Variants in ZNF536 observed in about 807,000 individuals in gnomAD.
ZNF536 encodes zinc finger protein 536.
Under a neutral mutation model 84.5 loss-of-function variants are expected in ZNF536, and 13 were observed. The ratio of observed to expected loss-of-function variants is 0.15; its 90% CI spans 0.10 to 0.24. ZNF536 has a LOEUF of 0.24. Among genes scored for constraint, ZNF536 ranks in the 10% least tolerant of loss-of-function variants. The pLI is 1.00. For missense variants in ZNF536, 1,536 were observed against 1,747.5 expected, an observed-to-expected ratio of 0.88 and a Z score of 2.16; for synonymous variants, 811 against 742.5, an observed-to-expected ratio of 1.09 and a Z score of -1.50.
chr19:30,466,896 A>G (rs1471976610), intron 2 of ZNF536, among the ~76,000 whole-genome samples: 2 of 152,142 alleles, frequency 1.3e-5, no homozygotes, highest in Non-Finnish European at 2.9e-5. Context: ...GCTAGAGTGC[A>G]GTGGCACGAT....
intron 2 of ZNF536, among the ~76,000 whole-genome samples, chr19:30,494,868 C>T (rs939577253): frequency 1.3e-5 from 2 of 149,268 alleles, no homozygotes; most frequent in African/African-American, 5.0e-5. Flanking sequence ...ATTGCCTGAA[C>T]CTGGGAGGTG....
At chr19:30,662,958 G>GTT (rs1305243769) in intron 1 of ZNF536, among the ~76,000 whole-genome samples, 1 of 109,514 alleles carries the variant, frequency 9.1e-6, no homozygotes, top group Non-Finnish European at 1.9e-5. Context: ...TTTCTTTTTC[G>GTT]TTTCTTTTTT....
At chr19:30,513,436 G>A (rs893149908) in intron 2 of ZNF536, among the ~76,000 whole-genome samples, 1 of 152,178 alleles carries the variant, frequency 6.6e-6, no homozygotes, top group Non-Finnish European at 1.5e-5. Flanking sequence ...GGACATATTG[G>A]ATTAAGTGCA....
intron 1 of ZNF536, among the ~76,000 whole-genome samples, chr19:30,434,322 C>G (rs1163763495): frequency 6.6e-6 from 1 of 152,226 alleles, no homozygotes; most frequent in Non-Finnish European, 1.5e-5. Context: ...GTCTGCAGTG[C>G]CTGCCATGTC....
intron 1 of ZNF536, among the ~76,000 whole-genome samples, chr19:30,384,098 C>CTTTCTCTTTCTTTCTTTCTTTCTT (rs1445807219): frequency 2.3e-5 from 2 of 86,530 alleles, no homozygotes; most frequent in South Asian, 5.2e-4. Context: ...CCACCTCTTT[C>CTTTCTCTTTCTTTCTTTCTTTCTT]TCTTTCTTTC....
intron 2 of ZNF536, among the ~76,000 whole-genome samples, chr19:30,495,638 T>G (rs1207934576): frequency 1.3e-5 from 2 of 152,200 alleles, no homozygotes; most frequent in Non-Finnish European, 2.9e-5. Flanking sequence ...TGTCCAAGGT[T>G]GCACATCCAA....
At chr19:30,262,501 G>A (rs1359785449) in intron 1 of ZNF536, among the ~76,000 whole-genome samples, 5 of 152,218 alleles carry the variant, frequency 3.3e-5, no homozygotes, top group African/African-American at 1.2e-4. Flanking sequence ...CTGACAGATG[G>A]GCAGCAAGGC....
chr19:30,290,379 G>A (rs1365160215), intron 2 of ZNF536, among the ~76,000 whole-genome samples: 1 of 152,178 alleles, frequency 6.6e-6, no homozygotes, highest in East Asian at 1.9e-4. Flanking sequence ...CTGGGCTGAA[G>A]TGATTTTCCT....
In ZNF536 at chr19:30,444,260, C is replaced by G. The variant is rs752197056; in HGVS notation, c.698C>G (p.Ala233Gly). ...AAGCCCCCGCCGCACGCCCAGCAGG[C>G]CCCGCTGGCCGCCTGCACCCTGGCC... ...DLKPPPHAQQ[A>G]PLAACTLALQ... Residue 233 changes from alanine to glycine, a missense_variant, in exon 2 of 5, where the codon GCC (alanine) becomes GGC (glycine). Ala to Gly is a moderately conservative substitution (Grantham distance 60). Coordinates refer to ENST00000355537, the MANE Select transcript of ZNF536 (RefSeq NM_014717.3). 1.3e-6 allele frequency: 2 copies of G among 1,551,622 alleles called. No individual in the cohort carries two copies. Among genetic ancestry groups the G allele is most frequent in the South Asian group, 2.3e-5 (2 of 85,880 alleles).
At chr19:30,659,907 A>G (rs1282807973) in intron 1 of ZNF536, among the ~76,000 whole-genome samples, 4 of 152,006 alleles carry the variant, frequency 2.6e-5, no homozygotes, top group Non-Finnish European at 5.9e-5. Context: ...CTTTCTGCAG[A>G]GTCTGATTAT....
At chr19:30,345,027 C>A (rs2047695835) in intron 2 of ZNF536, among the ~76,000 whole-genome samples, 1 of 152,228 alleles carries the variant, frequency 6.6e-6, no homozygotes, top group Admixed American at 6.5e-5. Flanking sequence ...AACAGCAACA[C>A]AATAGCAGCT....
At chr19:30,606,256 T>A (rs867656448) in intron 1 of ZNF536, among the ~76,000 whole-genome samples, 522 of 9,098 alleles carry the variant, frequency 0.057, 6 homozygotes, top group Non-Finnish European at 0.079. Context: ...ATAAAATAAA[T>A]AAAATAAAAT....
chr19:30,491,234 T>C (rs1265115235), intron 2 of ZNF536, among the ~76,000 whole-genome samples: 1 of 152,202 alleles, frequency 6.6e-6, no homozygotes, highest in African/African-American at 2.4e-5. Flanking sequence ...GAGAAGCGAC[T>C]TTCAGAAAGA....
intron 1 of ZNF536, among the ~76,000 whole-genome samples, chr19:30,676,438 C>A (rs1641542036): frequency 6.6e-6 from 1 of 152,200 alleles, no homozygotes; most frequent in South Asian, 2.1e-4. Flanking sequence ...GCCTCGTGAT[C>A]ACAGCATTAT....
intron 2 of ZNF536, among the ~76,000 whole-genome samples, chr19:30,470,539 T>C (rs766380061): frequency 1.8e-4 from 27 of 151,696 alleles, no homozygotes; most frequent in Non-Finnish European, 3.4e-4. Flanking sequence ...AAACATTGAG[T>C]GGAAAGTACA....
chr19:30,283,118 G>A (rs1433320521), intron 1 of ZNF536, among the ~76,000 whole-genome samples: 1 of 152,172 alleles, frequency 6.6e-6, no homozygotes, highest in Admixed American at 6.5e-5. Context: ...TTTTCCATGG[G>A]CAGAATCAGA....
chr19:30,583,187 A>G (rs1468521164), intron 1 of ZNF536, among the ~76,000 whole-genome samples: 1 of 152,180 alleles, frequency 6.6e-6, no homozygotes, highest in Non-Finnish European at 1.5e-5. Context: ...GACAGTCATG[A>G]GACCTGTTGG....
At chr19:30,413,110 T>A (rs1294557687) in intron 1 of ZNF536, among the ~76,000 whole-genome samples, 2 of 152,176 alleles carry the variant, frequency 1.3e-5, no homozygotes, top group Non-Finnish European at 2.9e-5. Context: ...CTCTTTTTAT[T>A]CTCATCCATA....
intron 1 of ZNF536, among the ~76,000 whole-genome samples, chr19:30,254,195 AATGCCATTGTCTC>A (rs1412009154): frequency 1.3e-5 from 2 of 152,178 alleles, no homozygotes; most frequent in Non-Finnish European, 2.9e-5. Context: ...TCCATGTCAG[AATGCCATTGTCTC>A]CTGGGTAAAG....
Sources: gnomAD v4.1 joint callset for allele counts (sites outside exome capture counted in the v4.1 genomes callset) on GRCh38, gnomAD v4.1.1 for gene constraint, MANE v1.5 for transcripts, NCBI Gene and HGNC (gene_info 2026-07-23, HGNC 2026-07-21) for gene names.